KCNMB2: variants seen among roughly 807,000 people sequenced by gnomAD.
KCNMB2 encodes calcium-activated potassium channel subunit beta-2.
In KCNMB2, 9 loss-of-function variants were observed where a neutral mutation model predicts 24.5. That is an observed-to-expected ratio of 0.37 (90% CI 0.22 to 0.64). KCNMB2 has a LOEUF of 0.64. Among genes scored for constraint, KCNMB2 ranks in the 30% least tolerant of loss-of-function variants. The pLI, the probability that KCNMB2 is intolerant of heterozygous loss-of-function variation, is 0.63. For synonymous variants in KCNMB2, 109 were observed against 104.4 expected (o/e 1.04, Z -0.27); for missense variants, 226 against 284.3 (o/e 0.79, Z 1.47).
chr3:178,639,267 T>C (rs778185146), intron 1 of KCNMB2, among the ~76,000 whole-genome samples: 37 of 152,200 alleles, frequency 2.4e-4, no homozygotes, highest in Non-Finnish European at 4.4e-4. Flanking sequence ...CATATCACTA[T>C]TTTCCAGATG....
intron 1 of KCNMB2, among the ~76,000 whole-genome samples, chr3:178,740,163 G>A (rs1297087165): frequency 6.6e-6 from 1 of 150,938 alleles, no homozygotes; most frequent in African/African-American, 2.4e-5. Flanking sequence ...CTGTCGCCCA[G>A]GCTGGAGTGC....
At chr3:178,776,193 CATTTTATT>C (rs1268279923) in intron 1 of KCNMB2, among the ~76,000 whole-genome samples, 1 of 152,154 alleles carries the variant, frequency 6.6e-6, no homozygotes. Flanking sequence ...AAGCACCTCT[CATTTTATT>C]ATTTTATTAT....
chr3:178,753,895 C>A (rs919609803), intron 1 of KCNMB2, among the ~76,000 whole-genome samples: 1 of 151,824 alleles, frequency 6.6e-6, no homozygotes, highest in East Asian at 1.9e-4. Context: ...TGAACTTATT[C>A]CTCCTATCTA....
At chr3:178,614,516 A>G (rs1263543428) in intron 1 of KCNMB2, among the ~76,000 whole-genome samples, 2 of 151,444 alleles carry the variant, frequency 1.3e-5, no homozygotes, top group Non-Finnish European at 2.9e-5. Flanking sequence ...CTTATTCACT[A>G]TCATGAGAAC....
At chr3:178,832,255 AT>A (rs902009847) in intron 4 of KCNMB2, among the ~76,000 whole-genome samples, 2 of 151,890 alleles carry the variant, frequency 1.3e-5, no homozygotes, top group African/African-American at 4.8e-5. Flanking sequence ...TAAGTTGGCT[AT>A]TTTTTTTCCA....
chr3:178,685,727 C>T lies in KCNMB2; in HGVS notation c.-67-121616C>T, dbSNP rs9867142. On this transcript the variant is annotated intron_variant, in intron 1 of 4. Transcript: ENST00000452583. ...TCCTCACCACGAAGTTAATCAATAA[C>T]GTTCCCACAGCCTAGCAGTGCTTTC... 2.5e-3 allele frequency among the ~76,000 whole-genome samples: 381 copies of T among 152,294 alleles called. 1 individual carries two copies. The highest frequency in any genetic ancestry group is 8.6e-3 in the African/African-American group (356 of 41,562).
chr3:178,738,930 C>T (rs1012805338), intron 1 of KCNMB2, among the ~76,000 whole-genome samples: 3 of 147,512 alleles, frequency 2.0e-5, no homozygotes, highest in African/African-American at 5.1e-5. Context: ...CAATGAATAC[C>T]TACTGAATCA....
intron 1 of KCNMB2, among the ~76,000 whole-genome samples, chr3:178,755,402 T>C (rs1458289895): frequency 6.6e-6 from 1 of 152,230 alleles, no homozygotes; most frequent in African/African-American, 2.4e-5. Flanking sequence ...ACAGTTGTGA[T>C]CTGTTTCAAT....
At chr3:178,683,244 T>C (rs1721337298) in intron 1 of KCNMB2, among the ~76,000 whole-genome samples, 1 of 151,976 alleles carries the variant, frequency 6.6e-6, no homozygotes, top group South Asian at 2.1e-4. Flanking sequence ...TACCGCATGT[T>C]CTCAGTTGTA....
At chr3:178,733,439 A>T (rs1446696385) in intron 1 of KCNMB2, among the ~76,000 whole-genome samples, 2 of 152,096 alleles carry the variant, frequency 1.3e-5, no homozygotes, top group Non-Finnish European at 2.9e-5. Flanking sequence ...GAAAGTTTTG[A>T]GAAGAGGAGG....
chr3:178,728,288 G>T (rs779195447), intron 1 of KCNMB2, among the ~76,000 whole-genome samples: 2 of 152,128 alleles, frequency 1.3e-5, no homozygotes, highest in Admixed American at 6.6e-5. Context: ...CACATCTTTA[G>T]ATCTAGCAGT....
At chr3:178,580,064 A>C (rs543645232) in intron 1 of KCNMB2, among the ~76,000 whole-genome samples, 229 of 152,276 alleles carry the variant, frequency 1.5e-3, no homozygotes, top group Non-Finnish European at 1.7e-3. Context: ...GACACAAAAC[A>C]AAAAAAGAAA....
At chr3:178,664,268 C>T (rs960744619) in intron 1 of KCNMB2, among the ~76,000 whole-genome samples, 1 of 151,990 alleles carries the variant, frequency 6.6e-6, no homozygotes, top group East Asian at 1.9e-4. Context: ...GAACAAATGA[C>T]ATGATTAGAT....
intron 4 of KCNMB2, among the ~76,000 whole-genome samples, chr3:178,837,272 T>C (rs1173344591): frequency 6.6e-6 from 1 of 152,172 alleles, no homozygotes; most frequent in Non-Finnish European, 1.5e-5. Flanking sequence ...AACATGTTAA[T>C]GAAAATTTAT....
At chr3:178,675,404 G>A (rs1459080302) in intron 1 of KCNMB2, among the ~76,000 whole-genome samples, 1 of 152,152 alleles carries the variant, frequency 6.6e-6, no homozygotes, top group African/African-American at 2.4e-5. Flanking sequence ...AGAGAGTGAG[G>A]TGATGTTCAG....
chr3:178,695,414 A>G (rs543337600), intron 1 of KCNMB2, among the ~76,000 whole-genome samples: 1 of 152,360 alleles, frequency 6.6e-6, no homozygotes, highest in African/African-American at 2.4e-5. Flanking sequence ...TTTCTGCATT[A>G]GGCTTGACTT....
chr3:178,780,226 T>C (rs950039090), intron 1 of KCNMB2, among the ~76,000 whole-genome samples: 2 of 152,212 alleles, frequency 1.3e-5, no homozygotes, highest in African/African-American at 2.4e-5. Flanking sequence ...TAGTCTTTGA[T>C]AGATGCCCTG....
At chr3:178,617,237 A>G (rs1441345041) in intron 1 of KCNMB2, among the ~76,000 whole-genome samples, 1 of 152,178 alleles carries the variant, frequency 6.6e-6, no homozygotes, top group Admixed American at 6.5e-5. Flanking sequence ...TTCAAAAGAA[A>G]TGTTACCATC....
intron 2 of KCNMB2, among the ~76,000 whole-genome samples, chr3:178,807,895 TAAC>T (rs909709523): frequency 1.2e-4 from 18 of 151,680 alleles, no homozygotes; most frequent in Middle Eastern, 3.4e-3. Context: ...TTAATTTTAT[TAAC>T]AACAAAAAAT....
Sources: gnomAD v4.1 joint callset for allele counts (sites outside exome capture counted in the v4.1 genomes callset) on GRCh38, gnomAD v4.1.1 for gene constraint, MANE v1.5 for transcripts, NCBI Gene and HGNC (gene_info 2026-07-23, HGNC 2026-07-21) for gene names.